TATDN3: variants seen among roughly 807,000 people sequenced by gnomAD.
The protein encoded by TATDN3 is TatD DNase domain containing 3.
In TATDN3, 29 loss-of-function variants were observed where a neutral mutation model predicts 40.1. The ratio of observed to expected loss-of-function variants is 0.72; its 90% CI spans 0.54 to 0.99. TATDN3 has a LOEUF of 0.99. Among genes scored for constraint, TATDN3 ranks in the 50% least tolerant of loss-of-function variants. The pLI is 0.00. For synonymous variants in TATDN3, 105 were observed against 117.0 expected (o/e 0.90, Z 0.66); for missense variants, 309 against 321.9 (o/e 0.96, Z 0.31).
intron 8 of TATDN3, 34 bp from the exon 9 acceptor site, chr1:212,812,214 G>A (rs1031839987): frequency 2.2e-6 from 3 of 1,388,312 alleles, no homozygotes; most frequent in Non-Finnish European, 3.0e-6. Flanking sequence ...TATTTCTCAT[G>A]TTTTAAACTT....
chr1:212,808,571 A>G (rs988286150), intron 8 of TATDN3, among the ~76,000 whole-genome samples: 1 of 152,218 alleles, frequency 6.6e-6, no homozygotes, highest in African/African-American at 2.4e-5. Context: ...GTATCTGATA[A>G]GGGTCTAGTA....
chr1:212,792,632 C>CAAAAAAAAAAAAAAAAAAAA (rs752952752), intron 1 of TATDN3, among the ~76,000 whole-genome samples: 2 of 75,102 alleles, frequency 2.7e-5, no homozygotes, highest in Admixed American at 1.3e-4. Flanking sequence ...GACCCTGTCT[C>CAAAAAAAAAAAAAAAAAAAA]AAAAAAAAAA....
At chr1:212,810,806 A>G (rs1412826509) in intron 8 of TATDN3, among the ~76,000 whole-genome samples, 1 of 152,204 alleles carries the variant, frequency 6.6e-6, no homozygotes, top group East Asian at 1.9e-4. Context: ...CTTCCTTGTC[A>G]ATGTCGGCAC....
In TATDN3 at chr1:212,791,911, G is replaced by C; in HGVS notation, c.-11G>C. 5 of 1,613,052 alleles carry C rather than the reference G, an allele frequency of 3.1e-6. No homozygotes were observed. Among genetic ancestry groups the C allele is most frequent in the Non-Finnish European group, 4.2e-6 (5 of 1,179,620 alleles). On this transcript the variant is annotated 5_prime_UTR_variant, in exon 1 of 10. Transcript: ENST00000366974. ...TGCTGGCCGGTCTAAAGCGGCAGCC[G>C]CCGGGGCGCAATGCGAGCGGCTGGC...
At chr1:212,800,204 G>A (rs896672800) in intron 4 of TATDN3, among the ~76,000 whole-genome samples, 2 of 152,222 alleles carry the variant, frequency 1.3e-5, no homozygotes, top group African/African-American at 4.8e-5. Flanking sequence ...AGGCACTGGG[G>A]ATAAACCACA....
At chr1:212,802,552 G>T (rs973211858) in intron 4 of TATDN3, 149 bp from the exon 5 acceptor site, 5 of 605,444 alleles carry the variant, frequency 8.3e-6, no homozygotes, top group Non-Finnish European at 1.2e-5. Context: ...CACCATTTTA[G>T]AAGGATTACT....
chr1:212,796,984 G>C, intron 3 of TATDN3, 128 bp from the exon 4 acceptor site: 1 of 679,424 alleles, frequency 1.5e-6, no homozygotes, highest in Non-Finnish European at 2.6e-6. Flanking sequence ...GATCCACCTG[G>C]TTCAGCCTCC....
At chr1:212,799,417 G>C (rs1662029874) in intron 4 of TATDN3, among the ~76,000 whole-genome samples, 1 of 152,162 alleles carries the variant, frequency 6.6e-6, no homozygotes, top group Admixed American at 6.5e-5. Flanking sequence ...GATGGGACCA[G>C]AGTACTAGCA....
chr1:212,807,692 TG>T (rs1360268416), intron 7 of TATDN3, 43 bp from the exon 8 acceptor site: 2 of 1,418,602 alleles, frequency 1.4e-6, no homozygotes, highest in African/African-American at 1.4e-5. Flanking sequence ...ATTTGATTGA[TG>T]GGACATAAAA....
chr1:212,791,988 G>A lies in TATDN3; in HGVS notation c.66+1G>A. 1.2e-6 allele frequency: 2 copies of A among 1,613,980 alleles called. No individual in the cohort carries two copies. Among genetic ancestry groups the A allele is most frequent in the Non-Finnish European group, 1.7e-6 (2 of 1,179,924 alleles). On this transcript the variant is annotated splice_donor_variant, in intron 1 of 9. Transcript: ENST00000366974. LOFTEE classifies it high-confidence loss of function. ...CCTCTCCGCCCCGGACTTTGACCGC[G>A]TATGTGAGGGCGATACGGGACCAGA...
chr1:212,813,570 T>C (rs966101669), intron 9 of TATDN3, among the ~76,000 whole-genome samples: 5 of 149,650 alleles, frequency 3.3e-5, no homozygotes, highest in Non-Finnish European at 7.4e-5. Flanking sequence ...TCTTTTCTTT[T>C]TTTTTTTTTT....
intron 8 of TATDN3, among the ~76,000 whole-genome samples, chr1:212,810,048 AT>A (rs199690447): frequency 0.023 from 3,450 of 151,968 alleles, 60 homozygotes; most frequent in South Asian, 0.042. Flanking sequence ...TAATAAAAAA[AT>A]AAAATTTAAA....
At chr1:212,792,667 G>A (rs1312916551) in intron 1 of TATDN3, among the ~76,000 whole-genome samples, 1 of 141,290 alleles carries the variant, frequency 7.1e-6, no homozygotes, top group Admixed American at 7.0e-5. Context: ...ACAAATGGGG[G>A]AGAGAGGCAA....
chr1:212,810,533 A>C (rs1341189205), intron 8 of TATDN3, among the ~76,000 whole-genome samples: 1 of 150,466 alleles, frequency 6.6e-6, no homozygotes, highest in East Asian at 1.9e-4. Context: ...AAAAAAAAAA[A>C]AAAATTAGCC....
At chr1:212,805,791 T>G (rs1662427697) in intron 7 of TATDN3, among the ~76,000 whole-genome samples, 1 of 152,232 alleles carries the variant, frequency 6.6e-6, no homozygotes, top group Non-Finnish European at 1.5e-5. Flanking sequence ...GGCATTATTT[T>G]TCAATATTTT....
rs773719164 is a variant in TATDN3, at chr1:212,807,808, ACTT to A, written c.566_568del (p.Phe189del). The A allele has an allele frequency of 1.1e-5, 17 of 1,613,700 alleles. No homozygotes were observed. The highest frequency in any genetic ancestry group is 4.5e-5 in the East Asian group (2 of 44,878). On this transcript the variant is annotated inframe_deletion, in exon 8 of 10. Transcript: ENST00000366974. ...GCCATGGAAGGAGTAAGAGCTGGGT[ACTT>A]CTTCTCAATTCCCCCTTCTATCATA...
chr1:212,798,195 G>A (rs111343237), intron 4 of TATDN3, among the ~76,000 whole-genome samples: 3,462 of 151,928 alleles, frequency 0.023, 63 homozygotes, highest in South Asian at 0.042. Context: ...GTGTGGTGGC[G>A]TGCACCTGTA....
chr1:212,804,276 TC>T, intron 5 of TATDN3, 43 bp from the exon 6 acceptor site: 1 of 1,413,402 alleles, frequency 7.1e-7, no homozygotes, highest in East Asian at 2.3e-5. Flanking sequence ...CTTTTGAGGT[TC>T]CTTAAACCTA....
rs1185017898 is a variant in TATDN3 at position 212,804,416 on chromosome 1, C to T, written c.418C>T (p.Leu140=). 1 of 1,613,598 alleles carries T rather than the reference C, an allele frequency of 6.2e-7. No individual in the cohort carries two copies. ...LIRQIQLAKR[L]NLPVNVHSRS... ...CAGACAGATCCAGTTAGCCAAAAGA[C>T]TAAATTTGCCTGTGTAGGTTAATTA... The change falls in exon 6 of 10, where the codon CTA becomes TTA. Residue 140 remains leucine (L), a synonymous_variant. Transcript: ENST00000366974.
Sources: gnomAD v4.1 joint callset for allele counts (sites outside exome capture counted in the v4.1 genomes callset) on GRCh38, gnomAD v4.1.1 for gene constraint, MANE v1.5 for transcripts, NCBI Gene and HGNC (gene_info 2026-07-23, HGNC 2026-07-21) for gene names.